CENPA: variants seen among roughly 807,000 people sequenced by gnomAD.
CENPA encodes the protein centromere protein A, also known as histone H3-like centromeric protein A.
CENPA carries 7 observed loss-of-function variants against 17.2 expected under a neutral mutation model. The ratio of observed to expected loss-of-function variants is 0.41; its 90% confidence interval spans 0.23 to 0.76. The LOEUF (loss-of-function observed/expected upper bound fraction) is 0.76. Ranked by LOEUF, CENPA falls within the 30% of genes least tolerant of loss-of-function variation. CENPA has a pLI of 0.34. For synonymous variants in CENPA, 82 were observed against 77.4 expected, an observed-to-expected ratio of 1.06 and a Z score of -0.31; for missense variants, 149 against 193.1, an observed-to-expected ratio of 0.77 and a Z score of 1.35.
At chr2:26,786,383 C>T (rs1664509043) in intron 1 of CENPA, 87 bp downstream of exon 1, 3 of 1,266,250 alleles carry the variant, frequency 2.4e-6, no homozygotes, top group Non-Finnish European at 9.9e-7. Context: ...TCCCGTGGCA[C>T]TTCCCTGTTG....
At position 26,794,494 on chromosome 2, in the gene CENPA, C is replaced by G. The variant is rs972670396; in HGVS notation, c.*730C>G. The G allele has an allele frequency of 6.6e-6, 1 of 152,178 alleles. No individual in the cohort carries two copies. The highest frequency in any genetic ancestry group is 2.1e-4 in the South Asian group (1 of 4,832). The allele number at this position is 152,178 out of a possible 1,614,324, so 9.4% of individuals were successfully genotyped here. ...GTAAATCATAGAAGATGTATCATAACAGTTCAGAATTTTAAAGTACATTTT... is the reference window on the plus strand; with the variant it reads ...GTAAATCATAGAAGATGTATCATAAGAGTTCAGAATTTTAAAGTACATTTT... On this transcript the variant is annotated 3_prime_UTR_variant, in exon 5 of 5. Coordinates refer to ENST00000335756, the MANE Select transcript of CENPA (RefSeq NM_001809.4).
chr2:26,791,991 A>G (rs1044124753), intron 1 of CENPA, 140 bp from the exon 2 acceptor site: 7 of 721,884 alleles, frequency 9.7e-6, no homozygotes, highest in South Asian at 1.7e-5. Flanking sequence ...TTTTGCAGCA[A>G]CCTAATAAAA....
chr2:26,792,674 C>A, intron 2 of CENPA, 82 bp from the exon 3 acceptor site: 2 of 1,164,376 alleles, frequency 1.7e-6, no homozygotes, highest in Non-Finnish European at 2.6e-6. Context: ...TTCACTGGAA[C>A]TCATGGAGAG....
rs1382903299 is a variant in CENPA at position 26,786,265 on chromosome 2, C to T, written c.69C>T (p.Thr23=). Residue 23 remains threonine, a synonymous_variant, in exon 1 of 5, where the codon ACC becomes ACT. Coordinates refer to ENST00000335756, the MANE Select transcript of CENPA (RefSeq NM_001809.4). ...PRRRSPSPTP[T]PGPSRRGPSL... is the part of the protein sequence containing the mutation. ...GGCGCAGCCCGAGCCCGACCCCGAC[C>T]CCCGGCCCCTCCCGGCGGGGCCCCT... The T allele has an allele frequency of 2.1e-5, 28 of 1,352,504 alleles. No homozygotes were observed. The highest frequency in any genetic ancestry group is 2.5e-5 in the Non-Finnish European group (26 of 1,058,522). 83.8% of individuals were successfully genotyped at this position (1,352,504 alleles called of 1,614,324 possible). A position where few individuals can be genotyped will look rare whatever the true frequency, so the allele number is the denominator to read the frequency against.
rs1033842533 is a variant in CENPA, at chr2:26,794,354, C to T, written c.*590C>T. The T allele has an allele frequency of 3.9e-5, 6 of 152,184 alleles. No individual in the cohort carries two copies. The highest frequency in any genetic ancestry group is 3.9e-4 in the Admixed American group (6 of 15,282). The allele number at this position is 152,184 out of a possible 1,614,324, so 9.4% of individuals were successfully genotyped here. A position where few individuals can be genotyped will look rare whatever the true frequency, so the allele number is the denominator to read the frequency against. ...CAACGGATGTGTAGCTTTTCAGAAACTTAATTGGGGATGAATAGAAAACCT... is the reference window on the plus strand; with the variant it reads ...CAACGGATGTGTAGCTTTTCAGAAATTTAATTGGGGATGAATAGAAAACCT... On this transcript the variant is annotated 3_prime_UTR_variant, in exon 5 of 5. Transcript: ENST00000335756.
Position 26,786,218 on chromosome 2 carries a change from C to G in CENPA, c.22C>G (p.Arg8Gly). 6.9e-7 allele frequency: 1 copy of G among 1,438,862 alleles called. No individual in the cohort carries two copies. The allele number at this position is 1,438,862 out of a possible 1,614,324, so 89.1% of individuals were successfully genotyped here. Residue 8 changes from arginine (R) to glycine (G), a missense_variant, in exon 1 of 5, where the codon CGA becomes GGA. Physicochemically the swap from Arg to Gly is moderately radical, Grantham distance 125. Around this residue, in one of 2 missense-constraint regions of CENPA, gnomAD observed 95 missense variants for 87.5 expected, o/e 1.09. Transcript: ENST00000335756. ...TGTCATGGGCCCGCGCCGCCGGAGC[C>G]GAAAGCCCGAGGCCCCGAGGAGGCG... The part of the protein sequence containing the change: MGPRRRS[R>G]KPEAPRRRSP...
intron 1 of CENPA, among the ~76,000 whole-genome samples, chr2:26,788,898 C>G (rs1208571652): frequency 6.6e-6 from 1 of 152,216 alleles, no homozygotes; most frequent in Non-Finnish European, 1.5e-5. Context: ...TGGTCTCCAA[C>G]TGCCAACCTC....
intron 2 of CENPA, chr2:26,792,474 T>C (rs1309303069): frequency 3.2e-5 from 23 of 712,036 alleles, no homozygotes; most frequent in Non-Finnish European, 6.0e-5. Context: ...ACTGTATAAA[T>C]AGGAACTCTC....
intron 1 of CENPA, among the ~76,000 whole-genome samples, chr2:26,788,981 A>G (rs1664567953): frequency 6.6e-6 from 1 of 152,178 alleles, no homozygotes; most frequent in Non-Finnish European, 1.5e-5. Flanking sequence ...GGCCGTATTT[A>G]CGATCTTAAG....
intron 4 of CENPA, 54 bp from the exon 5 acceptor site, chr2:26,793,758 A>T (rs564896844): frequency 6.5e-6 from 1 of 153,176 alleles, no homozygotes; most frequent in South Asian, 2.1e-4. Context: ...ATTAAGAGAA[A>T]GTTTTCTTAC....
chr2:26,792,317 C>T (rs887689782), intron 2 of CENPA, 77 bp downstream of exon 2: 19 of 1,142,802 alleles, frequency 1.7e-5, no homozygotes, highest in Admixed American at 4.4e-5. Flanking sequence ...AGGGACCCTA[C>T]TGTCTCTTAA....
rs749972073 is a variant in CENPA at position 26,792,122 on chromosome 2, T to A, written c.101-9T>A. On this transcript the variant is annotated splice_polypyrimidine_tract_variant and intron_variant, in intron 1 of 4. Coordinates refer to ENST00000335756, the MANE Select transcript of CENPA (RefSeq NM_001809.4). ...TATTTTCCACTGAACTTACCTTTCT[T>A]TTGCTCAGGCGCTTCCTCCCATCAA... The A allele has an allele frequency of 1.9e-6, 3 of 1,612,692 alleles. No individual in the cohort carries two copies. The Admixed American group carries it at 5.0e-5, about 27-fold the overall frequency.
chr2:26,790,735 A>G (rs11691513), intron 1 of CENPA, among the ~76,000 whole-genome samples: 42,035 of 151,946 alleles, frequency 0.28, 6,360 homozygotes, highest in Non-Finnish European at 0.34. Flanking sequence ...TCCCAGTTTT[A>G]AATGTTATCA....
chr2:26,793,294 T>A lies in CENPA; in HGVS notation c.*15T>A. On this transcript the variant is annotated 3_prime_UTR_variant, in exon 4 of 5. Transcript: ENST00000335756. ...GACTCGGCTGAGCTCCTGCACCCAG[T>A]GTTTCTGTCAGTCTTTCCTGCTCAG... 1 of 1,613,102 alleles carries A rather than the reference T, an allele frequency of 6.2e-7. No individual in the cohort carries two copies. Among genetic ancestry groups the A allele is most frequent in the South Asian group, 1.1e-5 (1 of 90,944 alleles).
chr2:26,787,177 ATT>A (rs1664522319), intron 1 of CENPA, among the ~76,000 whole-genome samples: 1 of 152,140 alleles, frequency 6.6e-6, no homozygotes, highest in Non-Finnish European at 1.5e-5. Flanking sequence ...AAGTGCTGGG[ATT>A]GCAGGCATGA....
At chr2:26,791,747 T>G (rs1005434931) in intron 1 of CENPA, among the ~76,000 whole-genome samples, 1 of 152,242 alleles carries the variant, frequency 6.6e-6, no homozygotes, top group African/African-American at 2.4e-5. Flanking sequence ...TACAAAGTCC[T>G]GCAAAGCCCA....
At chr2:26,791,126 G>A (rs981602651) in intron 1 of CENPA, among the ~76,000 whole-genome samples, 2 of 151,892 alleles carry the variant, frequency 1.3e-5, no homozygotes, top group Non-Finnish European at 2.9e-5. Context: ...TATTTCTTTT[G>A]TTCTATCTTG....
chr2:26,792,600 G>T (rs960197390), intron 2 of CENPA, 156 bp from the exon 3 acceptor site: 3 of 748,318 alleles, frequency 4.0e-6, no homozygotes. Flanking sequence ...GCTCCCAGGA[G>T]TCAACACCTG....
Position 26,786,265 on chromosome 2 carries a change from C to A in CENPA, c.69C>A (p.Thr23=). 4.4e-6 allele frequency: 6 copies of A among 1,352,620 alleles called. No individual in the cohort carries two copies. The highest frequency in any genetic ancestry group is 5.7e-6 in the Non-Finnish European group (6 of 1,058,512). 83.8% of individuals were successfully genotyped at this position (1,352,620 alleles called of 1,614,324 possible). Residue 23 remains threonine, a synonymous_variant, in exon 1 of 5, where the codon ACC becomes ACA. Transcript: ENST00000335756. ...GGCGCAGCCCGAGCCCGACCCCGACCCCCGGCCCCTCCCGGCGGGGCCCCT... is the reference window on the plus strand; with the variant it reads ...GGCGCAGCCCGAGCCCGACCCCGACACCCGGCCCCTCCCGGCGGGGCCCCT... ...PRRRSPSPTP[T]PGPSRRGPSL...
Sources: gnomAD v4.1 joint callset for allele counts (sites outside exome capture counted in the v4.1 genomes callset) on GRCh38, gnomAD v4.1.1 for gene constraint, gnomAD v4.1.1 regional missense constraint, MANE v1.5 for transcripts, NCBI Gene and HGNC (gene_info 2026-07-23, HGNC 2026-07-21) for gene names.